Variants in ARV1 observed in about 807,000 individuals in gnomAD.
The protein encoded by ARV1 is ARV1 fatty acid homeostasis modulator, also known as protein ARV1.
In ARV1, 26 loss-of-function variants were observed where a neutral mutation model predicts 31.1. The observed-to-expected ratio is 0.84, with a 90% CI of 0.61 to 1.16. ARV1 has a LOEUF of 1.16. Among genes scored for constraint, ARV1 ranks in the 50% most tolerant of loss-of-function variants. The pLI, the probability that ARV1 is intolerant of heterozygous loss-of-function variation, is 0.00. For synonymous variants in ARV1, 117 were observed against 123.2 expected, an observed-to-expected ratio of 0.95 and a Z score of 0.34; for missense variants, 281 against 324.9, an observed-to-expected ratio of 0.86 and a Z score of 1.04.
intron 3 of ARV1, among the ~76,000 whole-genome samples, chr1:230,991,719 C>T (rs1361035719): frequency 6.6e-6 from 1 of 150,930 alleles, no homozygotes. Context: ...GCAACCTCTG[C>T]CTCCTGGGTT....
intron 4 of ARV1, among the ~76,000 whole-genome samples, chr1:230,996,210 C>T (rs1434934284): frequency 2.6e-5 from 4 of 152,142 alleles, no homozygotes; most frequent in Admixed American, 2.6e-4. Flanking sequence ...TCATATGCAT[C>T]ATCTCTGTCC....
rs1679140268 is a variant in ARV1 at position 230,988,411 on chromosome 1, G to A, written c.266G>A (p.Arg89Lys). 1 of 1,580,776 alleles carries A rather than the reference G, an allele frequency of 6.3e-7. No homozygotes were observed. Among genetic ancestry groups the A allele is most frequent in the African/African-American group, 1.4e-5 (1 of 73,872 alleles). ...ATATTGTGCAAAGCTCAGGCCTACA[G>A]ACATATTCTTTTCAATACTCAAATA... ...NAILCKAQAY[R>K]HILFNTQINI... Residue 89 changes from arginine (R) to lysine (K), a missense_variant, in exon 2 of 6, where the codon AGA (arginine) becomes AAA (lysine). Coordinates refer to ENST00000310256, the MANE Select transcript of ARV1 (RefSeq NM_022786.3).
Position 230,979,104 on chromosome 1 carries a change from A to C in ARV1, c.-2A>C, listed in dbSNP as rs770807349. Reference sequence around the variant, plus strand: ...GAAGTTCTGGACTGCAGTTGAGTGGAAATGGGCAACGGCGGGCGGAGCGGC... The same window carrying C: ...GAAGTTCTGGACTGCAGTTGAGTGGCAATGGGCAACGGCGGGCGGAGCGGC... On this transcript the variant is annotated 5_prime_UTR_variant, in exon 1 of 6. Transcript: ENST00000310256. 6.2e-7 allele frequency: 1 copy of C among 1,608,186 alleles called. No homozygotes were observed. Among genetic ancestry groups the C allele is most frequent in the South Asian group, 1.1e-5 (1 of 90,528 alleles).
chr1:230,997,092 G>A (rs1679390639), intron 4 of ARV1, 29 bp from the exon 5 acceptor site: 4 of 1,608,584 alleles, frequency 2.5e-6, no homozygotes, highest in Non-Finnish European at 3.4e-6. Flanking sequence ...CATTAATTCT[G>A]AACTTATTGG....
At chr1:230,992,347 C>G (rs1679252124) in intron 3 of ARV1, among the ~76,000 whole-genome samples, 1 of 152,058 alleles carries the variant, frequency 6.6e-6, no homozygotes, top group Non-Finnish European at 1.5e-5. Flanking sequence ...TGCCTGTCCC[C>G]CTGATGCCCA....
At position 230,997,221 on chromosome 1, in the gene ARV1, T is replaced by C. The variant is rs769142590; in HGVS notation, c.774T>C (p.Asp258=). 1.2e-5 allele frequency: 20 copies of C among 1,613,912 alleles called. 2 individuals carry two copies. In the Admixed American group the frequency reaches 3.2e-4, roughly 26 times the overall value. Residue 258 remains aspartate (D), a synonymous_variant, in exon 5 of 6, where the codon GAT becomes GAC. Coordinates refer to ENST00000310256, the MANE Select transcript of ARV1 (RefSeq NM_022786.3). The part of the protein sequence containing the change: ...MVYFFQSMEW[D]VGSDYAIFKS... ...ACTTCTTCCAGAGTATGGAATGGGA[T>C]GTTGGAAGTGATTATGCCATCTTTA...
intron 1 of ARV1, among the ~76,000 whole-genome samples, chr1:230,984,361 T>TGTGTGTGC (rs10628275): frequency 0.015 from 1,529 of 103,344 alleles, 25 homozygotes; most frequent in East Asian, 0.057. Context: ...TGTGTGTGTG[T>TGTGTGTGC]GCGTGTGTGT....
chr1:230,979,376 G>A (rs1202674365), intron 1 of ARV1, 97 bp downstream of exon 1: 3 of 1,381,272 alleles, frequency 2.2e-6, no homozygotes, highest in Admixed American at 2.2e-5. Flanking sequence ...TCTTTAGTTC[G>A]GTAGTTGACA....
intron 1 of ARV1, among the ~76,000 whole-genome samples, chr1:230,984,614 C>T (rs921976149): frequency 1.4e-5 from 2 of 142,352 alleles, no homozygotes; most frequent in African/African-American, 2.6e-5. Context: ...AAAATTCTCT[C>T]GGAAGGGGCT....
chr1:230,997,123 A>T lies in ARV1; in HGVS notation c.676A>T (p.Thr226Ser). 1 of 1,613,276 alleles carries T rather than the reference A, an allele frequency of 6.2e-7. No individual in the cohort carries two copies. The highest frequency in any genetic ancestry group is 8.5e-7 in the Non-Finnish European group (1 of 1,179,786). Reference sequence around the variant, plus strand: ...ATTGGCTGCCTTCTCCTTTCCAGTGACCCTAAACATCAACCGTAAGCTCTC... The same window carrying T: ...ATTGGCTGCCTTCTCCTTTCCAGTGTCCCTAAACATCAACCGTAAGCTCTC... ...LTSNFQAIRV[T>S]LNINRKLSFL... The change falls in exon 5 of 6, where the codon ACC (threonine) becomes TCC (serine). Residue 226 changes from threonine (T) to serine (S), a missense_variant and splice_region_variant. Coordinates refer to ENST00000310256, the MANE Select transcript of ARV1 (RefSeq NM_022786.3).
chr1:230,984,363 CGTGTGTGTGTGTGTGT>C (rs34285543), intron 1 of ARV1, among the ~76,000 whole-genome samples: 5 of 129,762 alleles, frequency 3.9e-5, no homozygotes, highest in Non-Finnish European at 6.6e-5. Context: ...TGTGTGTGTG[CGTGTGTGTGTGTGTGT>C]GTGTGTGTGT....
intron 1 of ARV1, among the ~76,000 whole-genome samples, chr1:230,982,992 T>C (rs1036610758): frequency 3.3e-5 from 5 of 152,118 alleles, no homozygotes; most frequent in Non-Finnish European, 5.9e-5. Context: ...GCTTGTTTCT[T>C]CACTGCCATT....
intron 1 of ARV1, among the ~76,000 whole-genome samples, chr1:230,986,207 G>C (rs1407118991): frequency 3.9e-5 from 6 of 152,020 alleles, no homozygotes; most frequent in Non-Finnish European, 5.9e-5. Context: ...ACAGGCATGA[G>C]CCACCATGCC....
Position 230,979,659 on chromosome 1 carries a change from T to TTTCA in ARV1, c.174+381_174+382insTCAT, listed in dbSNP as rs1251533484. On this transcript the variant is annotated intron_variant, in intron 1 of 5. Transcript: ENST00000310256. ...CTTACCCTCCACAACCCATGTTGAA[T>TTTCA]TCACCTACGATGCTTTTTAAAGGTT... 6 of 238,674 alleles carry TTTCA rather than the reference T, an allele frequency of 2.5e-5. 1 individual carries two copies. In the East Asian group the frequency reaches 9.8e-4, roughly 39 times the overall value. The allele number at this position is 238,674 out of a possible 1,614,324, so 14.8% of individuals were successfully genotyped here.
intron 1 of ARV1, among the ~76,000 whole-genome samples, chr1:230,986,093 A>AT (rs113086083): frequency 0.33 from 48,934 of 147,838 alleles, 8,149 homozygotes; most frequent in Middle Eastern, 0.58. Context: ...ATCTTTTTGT[A>AT]TTTTTTTTTT....
chr1:230,984,365 T>TGTGTGC (rs1553303957), intron 1 of ARV1, among the ~76,000 whole-genome samples: 5,851 of 70,846 alleles, frequency 0.083, 165 homozygotes, highest in African/African-American at 0.19. Context: ...TGTGTGTGCG[T>TGTGTGC]GTGTGTGTGT....
In ARV1 at chr1:230,990,272, A is replaced by T. The variant is rs1679194008; in HGVS notation, c.448+9A>T. The T allele has an allele frequency of 3.7e-6, 6 of 1,612,342 alleles. No individual in the cohort carries two copies. The East Asian group carries it at 1.1e-4, about 30-fold the overall frequency. ...TGCGATTGCTGCTTTAGGTAAGGAG[A>T]TGCCATGCTTTCCATTCTTAGTTAA... is the stretch of plus-strand genomic sequence containing the variant. On this transcript the variant is annotated intron_variant, in intron 3 of 5. Transcript: ENST00000310256.
At chr1:230,988,566 G>T (rs1679144410) in intron 2 of ARV1, 127 bp downstream of exon 2, 1 of 745,698 alleles carries the variant, frequency 1.3e-6, no homozygotes, top group Admixed American at 3.6e-5. Flanking sequence ...GTGAGAGTGG[G>T]TCTTTTATTG....
chr1:230,984,357 T>TGC (rs1553303925), intron 1 of ARV1, among the ~76,000 whole-genome samples: 2 of 62,066 alleles, frequency 3.2e-5, no homozygotes, highest in African/African-American at 1.2e-4. Flanking sequence ...TGTGTGTGTG[T>TGC]GTGTGCGTGT....
Sources: allele counts gnomAD v4.1 joint callset (sites outside exome capture counted in the v4.1 genomes callset), GRCh38; gene constraint gnomAD v4.1.1; transcripts MANE v1.5; gene names NCBI Gene and HGNC (gene_info 2026-07-23, HGNC 2026-07-21).